Variants in PCDHA7 observed in about 807,000 individuals in gnomAD.
PCDHA7 encodes the protein protocadherin alpha-7.
A neutral mutation model predicts 57.2 loss-of-function variants in PCDHA7; 37 were observed. The ratio of observed to expected loss-of-function variants is 0.65; its 90% CI spans 0.50 to 0.85. The LOEUF (loss-of-function observed/expected upper bound fraction) is 0.85. Among genes scored for constraint, PCDHA7 ranks in the 40% least tolerant of loss-of-function variants. PCDHA7 has a pLI of 0.00. For missense variants in PCDHA7, 1,188 were observed against 1,241.8 expected (o/e 0.96, Z 0.65); for synonymous variants, 553 against 558.8 (o/e 0.99, Z 0.15).
intron 1 of PCDHA7, among the ~76,000 whole-genome samples, chr5:140,953,275 C>G (rs1290645865): frequency 6.6e-6 from 1 of 152,074 alleles, no homozygotes; most frequent in African/African-American, 2.4e-5. Context: ...AGCCTTTGCT[C>G]TTTATATGTG....
rs565441433 is a variant in PCDHA7, at chr5:141,011,340, A to G, written c.*1403A>G. 6.5e-6 allele frequency: 1 copy of G among 153,828 alleles called. No homozygotes were observed. Among genetic ancestry groups the G allele is most frequent in the African/African-American group, 2.4e-5 (1 of 41,570 alleles). 9.5% of individuals were successfully genotyped at this position (153,828 alleles called of 1,614,324 possible). On this transcript the variant is annotated 3_prime_UTR_variant, in exon 4 of 4. Transcript: ENST00000525929. Reference sequence around the variant, plus strand: ...ACTAACACCTATGATGTTACCTGAAATCAATCTCCCATATGTATGCTGTAT... The same window carrying G: ...ACTAACACCTATGATGTTACCTGAAGTCAATCTCCCATATGTATGCTGTAT...
chr5:140,871,044 A>G, intron 1 of PCDHA7: 1 of 1,613,304 alleles, frequency 6.2e-7, no homozygotes, highest in Non-Finnish European at 8.5e-7. Flanking sequence ...ACCGACTTCT[A>G]GTACTGGTGA....
intron 1 of PCDHA7, among the ~76,000 whole-genome samples, chr5:140,961,280 C>T (rs246003): frequency 7.2e-5 from 11 of 152,104 alleles, no homozygotes; most frequent in Non-Finnish European, 1.0e-4. Flanking sequence ...TACCATGGCT[C>T]TGTTTCTTGA....
Position 140,857,147 on chromosome 5 carries a change from G to A in PCDHA7, c.2355+20409G>A, listed in dbSNP as rs145115378. 1.4e-4 allele frequency: 222 copies of A among 1,598,286 alleles called. 15 individuals carry two copies. The African/African-American group carries it at 2.2e-3, about 15-fold the overall frequency. ...GAAAGAAGATGCTCAAGTGGGCACC[G>A]TCATTGCCCTAATCAGCGTTTCTGA... On this transcript the variant is annotated intron_variant, in intron 1 of 3. Coordinates refer to ENST00000525929, the MANE Select transcript of PCDHA7 (RefSeq NM_018910.3).
chr5:140,848,884 C>T, intron 1 of PCDHA7: 2 of 1,591,388 alleles, frequency 1.3e-6, no homozygotes, highest in South Asian at 1.1e-5. Flanking sequence ...AACGACAACC[C>T]TCCAGTGTTC....
chr5:140,857,727 AC>A, intron 1 of PCDHA7: 1 of 1,597,294 alleles, frequency 6.3e-7, no homozygotes, highest in Non-Finnish European at 8.6e-7. Context: ...GAGAACGACA[AC>A]GCTCCCGCGC....
At chr5:140,913,610 A>C (rs1271705435) in intron 1 of PCDHA7, among the ~76,000 whole-genome samples, 2 of 151,906 alleles carry the variant, frequency 1.3e-5, no homozygotes, top group African/African-American at 4.8e-5. Flanking sequence ...TATTTTCTCT[A>C]CTAATTTTGG....
At chr5:140,880,042 G>A (rs530262393) in intron 1 of PCDHA7, among the ~76,000 whole-genome samples, 3 of 152,208 alleles carry the variant, frequency 2.0e-5, no homozygotes, top group Non-Finnish European at 4.4e-5. Flanking sequence ...CAGGGATTAA[G>A]ATGTGGGCAT....
chr5:140,939,499 A>G (rs1467638389), intron 1 of PCDHA7, among the ~76,000 whole-genome samples: 1 of 152,234 alleles, frequency 6.6e-6, no homozygotes, highest in African/African-American at 2.4e-5. Flanking sequence ...TATAAATTCA[A>G]TGTCTATAAC....
chr5:140,966,960 T>C, intron 1 of PCDHA7: 1 of 1,603,106 alleles, frequency 6.2e-7, no homozygotes, highest in Non-Finnish European at 8.5e-7. Context: ...GCTCGCGCGC[T>C]GGGGCTTGAG....
At chr5:140,997,476 A>G (rs782742177) in intron 3 of PCDHA7, among the ~76,000 whole-genome samples, 1 of 152,196 alleles carries the variant, frequency 6.6e-6, no homozygotes, top group Admixed American at 6.5e-5. Flanking sequence ...TTTTTACACA[A>G]TGATAAGTAT....
chr5:140,983,221 A>G (rs1178098444), intron 3 of PCDHA7, among the ~76,000 whole-genome samples: 1 of 152,196 alleles, frequency 6.6e-6, no homozygotes, highest in Non-Finnish European at 1.5e-5. Context: ...TCCTAATCCA[A>G]ACTTTCAGGA....
At chr5:141,001,607 A>G (rs1554258244) in intron 3 of PCDHA7, among the ~76,000 whole-genome samples, 1 of 152,078 alleles carries the variant, frequency 6.6e-6, no homozygotes, top group African/African-American at 2.4e-5. Flanking sequence ...AGGTTTGCCC[A>G]ATTCATAAAG....
chr5:140,842,452 C>G lies in PCDHA7; in HGVS notation c.2355+5714C>G, dbSNP rs1777963024. The G allele has an allele frequency of 8.1e-6, 13 of 1,613,732 alleles. 1 individual carries two copies. The highest frequency in any genetic ancestry group is 2.7e-5 in the African/African-American group (2 of 74,852). On this transcript the variant is annotated intron_variant, in intron 1 of 3. Transcript: ENST00000525929. The stretch of plus-strand genomic sequence containing the variant: ...TCGCCCTAATTAGCGTGAACGACCT[C>G]GATTCAGGTGCCAACGGGCAGGTGA...
At chr5:140,877,738 C>G (rs539793128) in intron 1 of PCDHA7, 1 of 1,614,164 alleles carries the variant, frequency 6.2e-7, no homozygotes, top group African/African-American at 1.3e-5. Flanking sequence ...GCAGAGGAGG[C>G]AGAGGGTGTG....
At position 140,857,302 on chromosome 5, in the gene PCDHA7, G is replaced by C. The variant is rs782029015; in HGVS notation, c.2355+20564G>C. 5.0e-6 allele frequency: 8 copies of C among 1,598,652 alleles called. 1 individual carries two copies. The highest frequency in any genetic ancestry group is 3.4e-5 in the Admixed American group (2 of 59,338). On this transcript the variant is annotated intron_variant, in intron 1 of 3. Transcript: ENST00000525929. ...GCGCTCTGGACCGCGAGAGGGTGTCGGCCTATGAGCTGGTGGTGACCGCGC... is the reference window on the plus strand; with the variant it reads ...GCGCTCTGGACCGCGAGAGGGTGTCCGCCTATGAGCTGGTGGTGACCGCGC...
rs782580460 is a variant in PCDHA7, at chr5:140,875,923, C to T, written c.2355+39185C>T. 1.2e-5 allele frequency: 20 copies of T among 1,614,184 alleles called. 1 individual carries two copies. The South Asian group carries it at 2.1e-4, about 17-fold the overall frequency. On this transcript the variant is annotated intron_variant, in intron 1 of 3. Coordinates refer to ENST00000525929, the MANE Select transcript of PCDHA7 (RefSeq NM_018910.3). ...TTCTGAATCTGCGCCTCTGGACTCT[C>T]ATTTTCCTCTAGAGGGCGCTTCTGA...
At chr5:140,883,945 C>T in intron 1 of PCDHA7, 1 of 1,613,378 alleles carries the variant, frequency 6.2e-7, no homozygotes, top group Non-Finnish European at 8.5e-7. Context: ...TGGACGAGAA[C>T]GACAACGCTC....
At chr5:140,918,042 A>C (rs1363704503) in intron 1 of PCDHA7, among the ~76,000 whole-genome samples, 1 of 152,088 alleles carries the variant, frequency 6.6e-6, no homozygotes, top group African/African-American at 2.4e-5. Flanking sequence ...AGGTCTTTCC[A>C]TTTGTTTTAT....
Sources: gnomAD v4.1 joint callset for allele counts (sites outside exome capture counted in the v4.1 genomes callset) on GRCh38, gnomAD v4.1.1 for gene constraint, MANE v1.5 for transcripts, NCBI Gene and HGNC (gene_info 2026-07-23, HGNC 2026-07-21) for gene names.